The following SLC6A11 variants were observed in gnomAD, a reference collection of about 807,000 sequenced individuals.
SLC6A11 encodes the protein solute carrier family 6 member 11.
Under a neutral mutation model 74.8 loss-of-function variants are expected in SLC6A11, and 25 were observed. The observed-to-expected ratio is 0.33, with a 90% CI of 0.24 to 0.47. SLC6A11 has a LOEUF of 0.47. SLC6A11 is among the 20% of genes least tolerant of loss of function. The pLI, the probability that SLC6A11 is intolerant of heterozygous loss-of-function variation, is 1.00. For synonymous variants in SLC6A11, 330 were observed against 330.2 expected (o/e 1.00, Z 0.01); for missense variants, 574 against 837.0 (o/e 0.69, Z 3.88).
At chr3:10,873,511 TATGCCATGCC>T (rs1318850566) in intron 5 of SLC6A11, among the ~76,000 whole-genome samples, 2 of 123,046 alleles carry the variant, frequency 1.6e-5, no homozygotes, top group African/African-American at 6.8e-5. Flanking sequence ...TATCCTATCC[TATGCCATGCC>T]ATCCTATCCT....
chr3:10,867,789 G>T (rs1330595129), intron 5 of SLC6A11, among the ~76,000 whole-genome samples: 1 of 152,210 alleles, frequency 6.6e-6, no homozygotes, highest in African/African-American at 2.4e-5. Context: ...GTATGCTGAG[G>T]TGCTGGTTTA....
Position 10,844,346 on chromosome 3 carries a change from G to A in SLC6A11, c.756G>A (p.Lys252=). 6.2e-7 allele frequency: 1 copy of A among 1,614,184 alleles called. No individual in the cohort carries two copies. The highest frequency in any genetic ancestry group is 8.5e-7 in the Non-Finnish European group (1 of 1,180,034). The change falls in exon 5 of 14, where the codon AAG becomes AAA. Residue 252 remains lysine, a splice_region_variant and synonymous_variant. Transcript: ENST00000254488. ...GGAAGGGGACCAAGTCTACAGGAAA[G>A]GTAAGAGGTCGATCTTCAAGCAGCT... ...CIWKGTKSTG[K]VVYVTATFPY... is the part of the protein sequence containing the mutation.
At chr3:10,876,878 G>C (rs547870314) in intron 6 of SLC6A11, among the ~76,000 whole-genome samples, 1 of 152,214 alleles carries the variant, frequency 6.6e-6, no homozygotes, top group East Asian at 1.9e-4. Context: ...CCACCAGCCA[G>C]TATTAAGTAG....
intron 6 of SLC6A11, among the ~76,000 whole-genome samples, chr3:10,880,857 C>T (rs1042024092): frequency 6.6e-6 from 1 of 152,124 alleles, no homozygotes; most frequent in Non-Finnish European, 1.5e-5. Flanking sequence ...TTATTGCAGC[C>T]CCACCTGTGC....
intron 6 of SLC6A11, among the ~76,000 whole-genome samples, chr3:10,903,356 A>C (rs937392466): frequency 6.6e-6 from 1 of 152,170 alleles, no homozygotes; most frequent in African/African-American, 2.4e-5. Flanking sequence ...CTGTACCTTC[A>C]TGGGTAGGCG....
In SLC6A11 at chr3:10,918,281, C is replaced by T; in HGVS notation, c.996-48C>T. 1 of 1,512,362 alleles carries T rather than the reference C, an allele frequency of 6.6e-7. No individual in the cohort carries two copies. Among genetic ancestry groups the T allele is most frequent in the Non-Finnish European group, 8.8e-7 (1 of 1,131,938 alleles). 93.7% of individuals were successfully genotyped at this position (1,512,362 alleles called of 1,614,324 possible). A position where few individuals can be genotyped will look rare whatever the true frequency, so the allele number is the denominator to read the frequency against. On this transcript the variant is annotated intron_variant, in intron 7 of 13. Coordinates refer to ENST00000254488, the MANE Select transcript of SLC6A11 (RefSeq NM_014229.3). This position sits in a 1 kb window ranked among gnomAD's most constrained non-coding sequence, Gnocchi z 4.5. ...GGGTGGAGAACGTTTGAGCCGTGCA[C>T]CGGTTCTGCCCGCTCTGACCCTAGT...
rs76850065 is a variant in SLC6A11, at chr3:10,937,857, G to T, written c.1747-393G>T. On this transcript the variant is annotated intron_variant, in intron 13 of 13. Transcript: ENST00000254488. ...AGCAATTGTCCTGTAAACAGCCCTG[G>T]AGATGCATTACCACCCAGCAATTCA... is the stretch of plus-strand genomic sequence containing the variant. Among the ~76,000 whole-genome samples, 827 of 152,306 alleles carry T rather than the reference G, an allele frequency of 5.4e-3. 11 individuals carry two copies. Among genetic ancestry groups the T allele is most frequent in the African/African-American group, 0.019 (796 of 41,554 alleles).
chr3:10,914,043 G>A (rs757322428), intron 7 of SLC6A11, among the ~76,000 whole-genome samples: 1 of 152,218 alleles, frequency 6.6e-6, no homozygotes, highest in Non-Finnish European at 1.5e-5. Flanking sequence ...TTCAGCATAG[G>A]TGAGGGTAGG....
At chr3:10,899,543 A>G (rs1482007032) in intron 6 of SLC6A11, among the ~76,000 whole-genome samples, 1 of 152,200 alleles carries the variant, frequency 6.6e-6, no homozygotes. Flanking sequence ...ATTCTGGAAG[A>G]TCTATTCCAT....
rs890878736 is a variant in SLC6A11, at chr3:10,938,486, T to G, written c.*84T>G. On this transcript the variant is annotated 3_prime_UTR_variant, in exon 14 of 14. Transcript: ENST00000254488. Reference sequence around the variant, plus strand: ...TTCCTGAACCCCATACTTCACCTAATGGTAGGGGCTTGCTTGTTTTGCACA... The same window carrying G: ...TTCCTGAACCCCATACTTCACCTAAGGGTAGGGGCTTGCTTGTTTTGCACA... 10 of 1,389,230 alleles carry G rather than the reference T, an allele frequency of 7.2e-6. No individual in the cohort carries two copies. Among genetic ancestry groups the G allele is most frequent in the Non-Finnish European group, 8.8e-6 (9 of 1,021,310 alleles). The allele number at this position is 1,389,230 out of a possible 1,614,324, so 86.1% of individuals were successfully genotyped here. A position where few individuals can be genotyped will look rare whatever the true frequency, so the allele number is the denominator to read the frequency against.
rs1353444403 is a variant in SLC6A11 at position 10,940,578 on chromosome 3, T to G, written c.*2176T>G. 1 of 152,222 alleles carries G rather than the reference T, an allele frequency of 6.6e-6. No homozygotes were observed. Among genetic ancestry groups the G allele is most frequent in the Non-Finnish European group, 1.5e-5 (1 of 68,044 alleles). The allele number at this position is 152,222 out of a possible 1,614,324, so 9.4% of individuals were successfully genotyped here. A position where few individuals can be genotyped will look rare whatever the true frequency, so the allele number is the denominator to read the frequency against. On this transcript the variant is annotated 3_prime_UTR_variant, in exon 14 of 14. Coordinates refer to ENST00000254488, the MANE Select transcript of SLC6A11 (RefSeq NM_014229.3). ...GATATTCATTAGAAACAATACATCC[T>G]TTCTGAGATATTTACAGTATTATTA...
At chr3:10,859,284 G>A (rs1694675173) in intron 5 of SLC6A11, among the ~76,000 whole-genome samples, 1 of 152,180 alleles carries the variant, frequency 6.6e-6, no homozygotes, top group Admixed American at 6.5e-5. Flanking sequence ...GAGGGTAAAG[G>A]AGACACAGCA....
At chr3:10,904,991 C>T (rs1695285013) in intron 6 of SLC6A11, among the ~76,000 whole-genome samples, 1 of 152,208 alleles carries the variant, frequency 6.6e-6, no homozygotes. Flanking sequence ...TCAAGGTTTT[C>T]ACTTCTTAAG....
Position 10,918,782 on chromosome 3 carries a change from CTG to C in SLC6A11, c.1120+332_1120+333del, listed in dbSNP as rs1575703027. 6.6e-6 allele frequency among the ~76,000 whole-genome samples: 1 copy of C among 152,156 alleles called. No individual in the cohort carries two copies. On this transcript the variant is annotated intron_variant, in intron 8 of 13. Coordinates refer to ENST00000254488, the MANE Select transcript of SLC6A11 (RefSeq NM_014229.3). This position sits in a 1 kb window ranked among gnomAD's most constrained non-coding sequence, Gnocchi z 4.5. ...TGGCTCAGAAACCTTTCCCTGGACT[CTG>C]TGCCTCTGCTGTTGTCACTTCCACT...
intron 12 of SLC6A11, 48 bp downstream of exon 12, chr3:10,934,214 A>G (rs1341184200): frequency 7.8e-7 from 1 of 1,288,644 alleles, no homozygotes; most frequent in East Asian, 2.3e-5. Context: ...CCACCCATCT[A>G]CCCTCCAACC....
intron 5 of SLC6A11, among the ~76,000 whole-genome samples, chr3:10,868,394 C>T (rs775750546): frequency 1.3e-5 from 2 of 152,156 alleles, no homozygotes; most frequent in Non-Finnish European, 2.9e-5. Context: ...GTGTCCTGGG[C>T]GTAGGGGGAA....
At chr3:10,914,176 G>A (rs975242184) in intron 7 of SLC6A11, among the ~76,000 whole-genome samples, 10 of 152,094 alleles carry the variant, frequency 6.6e-5, no homozygotes, top group African/African-American at 2.2e-4. Flanking sequence ...CGGTGATAGC[G>A]TCCCTCCCAC....
intron 5 of SLC6A11, 123 bp downstream of exon 5, chr3:10,844,469 A>G (rs1694478679): frequency 2.5e-6 from 3 of 1,182,552 alleles, no homozygotes; most frequent in East Asian, 2.4e-5. Flanking sequence ...GCGGGGAGGA[A>G]CACTGGACCA....
chr3:10,836,623 T>C (rs1285353324), intron 4 of SLC6A11, among the ~76,000 whole-genome samples: 1 of 152,248 alleles, frequency 6.6e-6, no homozygotes, highest in African/African-American at 2.4e-5. Context: ...TTGAGAAACA[T>C]TCAGTTAGAT....
Sources: allele counts gnomAD v4.1 joint callset (sites outside exome capture counted in the v4.1 genomes callset), GRCh38; gene constraint gnomAD v4.1.1; non-coding constraint Gnocchi (gnomAD v3.1); transcripts MANE v1.5; gene names NCBI Gene and HGNC (gene_info 2026-07-23, HGNC 2026-07-21).